Variants in C5orf58 observed in about 807,000 individuals in gnomAD.
C5orf58 encodes the protein chromosome 5 open reading frame 58, also known as putative uncharacterized protein C5orf58.
Under a neutral mutation model 2.9 loss-of-function variants are expected in C5orf58, and 2 were observed. The ratio of observed to expected loss-of-function variants is 0.69; its 90% confidence interval spans 0.28 to 2.18. The LOEUF (loss-of-function observed/expected upper bound fraction) is 2.18, where lower values mean the gene tolerates loss of function less well. Ranked by LOEUF, C5orf58 falls within the 30% of genes most tolerant of loss-of-function variation. The probability of loss-of-function intolerance (pLI) is 0.13; values close to 1 mark genes in which losing one functional copy is unlikely to be tolerated. For missense variants in C5orf58, 96 were observed against 91.7 expected, an observed-to-expected ratio of 1.05 and a Z score of -0.19; for synonymous variants, 37 against 33.4, an observed-to-expected ratio of 1.11 and a Z score of -0.37.
rs1339986298 is a variant in C5orf58 at position 170,246,008 on chromosome 5, TC to T, written c.144del (p.Ile49SerfsTer6). On this transcript the variant is annotated frameshift_variant, in exon 4 of 4. Coordinates refer to ENST00000593851, the MANE Select transcript of C5orf58 (RefSeq NM_001102609.3). LOFTEE classifies it low-confidence loss of function (END_TRUNC). The stretch of plus-strand genomic sequence containing the variant: ...GTGACCTTATCCTACATTTTAATCA[TC>T]CCATCAAGACTGAGAACTTAGCAGA... ...LCDLILHFNH[P>X]IKTENLAEAE... 6.2e-7 allele frequency: 1 copy of T among 1,613,714 alleles called. No homozygotes were observed. The highest frequency in any genetic ancestry group is 1.1e-5 in the South Asian group (1 of 91,064).
At chr5:170,234,515 A>G (rs1156457236) in intron 2 of C5orf58, among the ~76,000 whole-genome samples, 2 of 152,256 alleles carry the variant, frequency 1.3e-5, no homozygotes, top group African/African-American at 2.4e-5. Flanking sequence ...TAATTGAATT[A>G]TCCTCTTAAT....
At chr5:170,237,982 C>T (rs1760812487) in intron 3 of C5orf58, among the ~76,000 whole-genome samples, 1 of 152,130 alleles carries the variant, frequency 6.6e-6, no homozygotes, top group East Asian at 1.9e-4. Flanking sequence ...TCTGACCAGC[C>T]TAAGATAAAA....
chr5:170,234,998 G>C lies in C5orf58; in HGVS notation c.22G>C (p.Asp8His). ...TCAGATGGGTAAGAAGCGTGTTACT[G>C]ATCATAAGCTAAATGTGGACAAAGT... MGKKRVT[D>H]HKLNVDKVIK... The change falls in exon 3 of 4, where the codon GAT (aspartate) becomes CAT (histidine). Residue 8 changes from aspartate to histidine, a missense_variant. Asp to His is a moderately conservative substitution (Grantham distance 81). Transcript: ENST00000593851. 2 of 1,537,720 alleles carry C rather than the reference G, an allele frequency of 1.3e-6. No homozygotes were observed. The highest frequency in any genetic ancestry group is 1.8e-6 in the Non-Finnish European group (2 of 1,120,996).
rs1205332729 is a variant in C5orf58, at chr5:170,243,955, C to T, written c.95-2007C>T. ...CCATGTTTAGCACTTCCTTCAGGAG[C>T]TCTTTTAGGGCAGGCCTGGTGGTGA... On this transcript the variant is annotated intron_variant, in intron 3 of 3. Coordinates refer to ENST00000593851, the MANE Select transcript of C5orf58 (RefSeq NM_001102609.3). 7.8e-3 allele frequency among the ~76,000 whole-genome samples: 1,115 copies of T among 143,336 alleles called. 8 individuals carry two copies. Among genetic ancestry groups the T allele is most frequent in the African/African-American group, 0.028 (1,069 of 38,156 alleles). 94.0% of individuals were successfully genotyped at this position (143,336 alleles called of 152,430 possible).
At chr5:170,245,548 G>A (rs1271895142) in intron 3 of C5orf58, among the ~76,000 whole-genome samples, 2 of 152,150 alleles carry the variant, frequency 1.3e-5, no homozygotes, top group East Asian at 1.9e-4. Context: ...AGGTGCGTCC[G>A]TCACCCCTTT....
intron 1 of C5orf58, 30 bp from the exon 2 acceptor site, chr5:170,234,085 A>C: frequency 7.5e-7 from 1 of 1,327,716 alleles, no homozygotes; most frequent in Non-Finnish European, 1.0e-6. Flanking sequence ...TGCAAAGCGC[A>C]TTTTATTAAT....
downstream of C5orf58, chr5:170,251,044 T>C (rs1581055503): frequency 1.7e-6 from 1 of 595,520 alleles, no homozygotes; most frequent in African/African-American, 1.9e-5. Flanking sequence ...CATTCAGTTC[T>C]CCAAACAGCT....
intron 3 of C5orf58, among the ~76,000 whole-genome samples, chr5:170,242,239 C>T (rs1434504564): frequency 3.5e-5 from 5 of 143,084 alleles, no homozygotes; most frequent in Non-Finnish European, 6.1e-5. Flanking sequence ...CTAAAATTCT[C>T]TTTTTTGGTT....
At chr5:170,245,695 C>G (rs1341659933) in intron 3 of C5orf58, among the ~76,000 whole-genome samples, 1 of 152,212 alleles carries the variant, frequency 6.6e-6, no homozygotes, top group African/African-American at 2.4e-5. Context: ...TGAGATGAAC[C>G]CGGTACCTCA....
rs1011496515 is a variant in C5orf58, at chr5:170,234,159, C to T, written c.-40C>T. On this transcript the variant is annotated 5_prime_UTR_variant, in exon 2 of 4. Transcript: ENST00000593851. Reference sequence around the variant, plus strand: ...AAATGAGAGAAATTGCAGAAATTCTCCCTGCTCAGGAAAAGGTAGAGGCAA... The same window carrying T: ...AAATGAGAGAAATTGCAGAAATTCTTCCTGCTCAGGAAAAGGTAGAGGCAA... 4 of 1,367,436 alleles carry T rather than the reference C, an allele frequency of 2.9e-6. No homozygotes were observed. Among genetic ancestry groups the T allele is most frequent in the Non-Finnish European group, 3.9e-6 (4 of 1,021,784 alleles). 84.7% of individuals were successfully genotyped at this position (1,367,436 alleles called of 1,614,324 possible). A position where few individuals can be genotyped will look rare whatever the true frequency, so the allele number is the denominator to read the frequency against.
Position 170,234,166 on chromosome 5 carries a change from C to A in C5orf58, c.-33C>A, listed in dbSNP as rs1186146140. 1 of 1,367,550 alleles carries A rather than the reference C, an allele frequency of 7.3e-7. No individual in the cohort carries two copies. Among genetic ancestry groups the A allele is most frequent in the African/African-American group, 1.5e-5 (1 of 67,828 alleles). The allele number at this position is 1,367,550 out of a possible 1,614,324, so 84.7% of individuals were successfully genotyped here. On this transcript the variant is annotated 5_prime_UTR_variant, in exon 2 of 4. Transcript: ENST00000593851. Reference sequence around the variant, plus strand: ...AGAAATTGCAGAAATTCTCCCTGCTCAGGAAAAGGTAGAGGCAAGGATTGA... The same window carrying A: ...AGAAATTGCAGAAATTCTCCCTGCTAAGGAAAAGGTAGAGGCAAGGATTGA...
At chr5:170,250,691 TAAAG>T, downstream of C5orf58, 1 of 1,573,160 alleles carries the variant, frequency 6.4e-7, no homozygotes, top group Non-Finnish European at 8.8e-7. Flanking sequence ...GTGGCATAAA[TAAAG>T]ACTTTGGGAA....
intron 3 of C5orf58, among the ~76,000 whole-genome samples, chr5:170,239,766 C>T (rs1161493082): frequency 6.6e-6 from 1 of 151,758 alleles, no homozygotes; most frequent in African/African-American, 2.4e-5. Context: ...TTTGTAATAA[C>T]ATAAATCTTA....
At position 170,245,828 on chromosome 5, in the gene C5orf58, G is replaced by A. The variant is rs184085401; in HGVS notation, c.95-134G>A. ...TAAATCTTATTTTAAGTCAGAATGG[G>A]ACACACTTAAGTTGTGGTTTGATCA... On this transcript the variant is annotated intron_variant, in intron 3 of 3. Coordinates refer to ENST00000593851, the MANE Select transcript of C5orf58 (RefSeq NM_001102609.3). 161 of 829,018 alleles carry A rather than the reference G, an allele frequency of 1.9e-4. No homozygotes were observed. The African/African-American group carries it at 2.4e-3, about 13-fold the overall frequency. 51.4% of individuals were successfully genotyped at this position (829,018 alleles called of 1,614,324 possible). A position where few individuals can be genotyped will look rare whatever the true frequency, so the allele number is the denominator to read the frequency against.
chr5:170,252,319 G>T, downstream of C5orf58: 1 of 564,148 alleles, frequency 1.8e-6, no homozygotes, highest in Non-Finnish European at 3.2e-6. Flanking sequence ...AGGTATTACA[G>T]AAAGCAACAG....
chr5:170,245,472 G>A (rs895836393), intron 3 of C5orf58, among the ~76,000 whole-genome samples: 6 of 152,192 alleles, frequency 3.9e-5, no homozygotes, highest in East Asian at 1.9e-4. Context: ...ATATAATCTC[G>A]TGGTGCGCCG....
chr5:170,249,952 C>T (rs1429992498), downstream of C5orf58, among the ~76,000 whole-genome samples: 3 of 152,192 alleles, frequency 2.0e-5, no homozygotes, highest in Admixed American at 2.0e-4. Context: ...GTCTGTGCAG[C>T]TCTATCCACT....
chr5:170,250,306 T>C (rs1455770086), downstream of C5orf58, among the ~76,000 whole-genome samples: 8 of 152,228 alleles, frequency 5.3e-5, no homozygotes, highest in Non-Finnish European at 8.8e-5. Flanking sequence ...CTCCATTTTG[T>C]TAAGAAATGA....
chr5:170,249,018 C>A (rs1761364189), downstream of C5orf58, among the ~76,000 whole-genome samples: 1 of 152,068 alleles, frequency 6.6e-6, no homozygotes, highest in Non-Finnish European at 1.5e-5. Flanking sequence ...ATCCAACAAA[C>A]CATAGATAAA....
Sources: gnomAD v4.1 joint callset for allele counts (sites outside exome capture counted in the v4.1 genomes callset) on GRCh38, gnomAD v4.1.1 for gene constraint, MANE v1.5 for transcripts, NCBI Gene and HGNC (gene_info 2026-07-23, HGNC 2026-07-21) for gene names.